ITK: variants seen among roughly 807,000 people sequenced by gnomAD.
ITK encodes IL2 inducible T cell kinase, also known as tyrosine-protein kinase ITK/TSK.
A neutral mutation model predicts 87.6 loss-of-function variants in ITK; 45 were observed. The ratio of observed to expected loss-of-function variants is 0.51; its 90% confidence interval spans 0.40 to 0.66. The LOEUF is 0.66. Ranked by LOEUF, ITK falls within the 30% of genes least tolerant of loss-of-function variation. The pLI is 0.00. For missense variants in ITK, 605 were observed against 766.3 expected, an observed-to-expected ratio of 0.79 and a Z score of 2.48; for synonymous variants, 303 against 273.6, an observed-to-expected ratio of 1.11 and a Z score of -1.06.
chr5:157,194,470 A>G (rs192940108), intron 1 of ITK, among the ~76,000 whole-genome samples: 1 of 152,348 alleles, frequency 6.6e-6, no homozygotes, highest in African/African-American at 2.4e-5. Flanking sequence ...ATTCTGGGAA[A>G]GCTATATCCA....
intron 5 of ITK, among the ~76,000 whole-genome samples, chr5:157,218,723 T>C (rs185226963): frequency 7.2e-5 from 11 of 152,304 alleles, no homozygotes; most frequent in Admixed American, 5.2e-4. Context: ...TTGAGGCTTT[T>C]CCAAGGCCAT....
chr5:157,252,775 C>T lies in ITK; in HGVS notation c.*97C>T, dbSNP rs1755168990. 3 of 968,168 alleles carry T rather than the reference C, an allele frequency of 3.1e-6. No homozygotes were observed. The highest frequency in any genetic ancestry group is 3.3e-6 in the Non-Finnish European group (2 of 598,632). 60.0% of individuals were successfully genotyped at this position (968,168 alleles called of 1,614,324 possible). A position where few individuals can be genotyped will look rare whatever the true frequency, so the allele number is the denominator to read the frequency against. ...ATTAGAAGCTGCCACCAGCCCAGGA[C>T]CCTCCAGAGGCAGCCTGGCCTGTGG... On this transcript the variant is annotated 3_prime_UTR_variant, in exon 17 of 17. Coordinates refer to ENST00000422843, the MANE Select transcript of ITK (RefSeq NM_005546.4).
chr5:157,189,525 CA>C (rs1283783740), intron 1 of ITK, among the ~76,000 whole-genome samples: 14 of 152,058 alleles, frequency 9.2e-5, no homozygotes, highest in Non-Finnish European at 1.3e-4. Context: ...ACTAAAAATA[CA>C]AAAAATTAGT....
In ITK at chr5:157,182,923, A is replaced by G. The variant is rs192806755; in HGVS notation, c.138+1808A>G. Among the ~76,000 whole-genome samples, 7 of 152,308 alleles carry G rather than the reference A, an allele frequency of 4.6e-5. No homozygotes were observed. In the East Asian group the frequency reaches 1.3e-3, roughly 29 times the overall value. ...ATATTATTGGTCATAATTTGCATGT[A>G]GACAAGGTTGTAAAATCACCCTACT... On this transcript the variant is annotated intron_variant, in intron 1 of 16. Transcript: ENST00000422843.
chr5:157,204,225 C>T (rs1488580744), intron 1 of ITK, among the ~76,000 whole-genome samples: 2 of 152,228 alleles, frequency 1.3e-5, no homozygotes, highest in Non-Finnish European at 2.9e-5. Context: ...AGGCTGCTCT[C>T]GAATTCTTGG....
At chr5:157,244,120 G>A (rs760591337) in intron 12 of ITK, 142 bp from the exon 13 acceptor site, 39 of 792,740 alleles carry the variant, frequency 4.9e-5, no homozygotes, top group Non-Finnish European at 8.2e-5. Context: ...ACATGTTTTT[G>A]TTTTGGGGAG....
In ITK at chr5:157,229,245, G is replaced by A. The variant is rs547797951; in HGVS notation, c.713+884G>A. Among the ~76,000 whole-genome samples the A allele has an allele frequency of 1.9e-4, 29 of 152,260 alleles. No homozygotes were observed. In the South Asian group the frequency reaches 5.8e-3, roughly 30 times the overall value. ...GAATCCTCAATGAATGTCACCACTA[G>A]CAAGTTAAAGTTTGATGAGCTGTGG... On this transcript the variant is annotated intron_variant, in intron 7 of 16. Coordinates refer to ENST00000422843, the MANE Select transcript of ITK (RefSeq NM_005546.4).
At chr5:157,221,965 A>G (rs1754427065) in intron 5 of ITK, among the ~76,000 whole-genome samples, 2 of 152,098 alleles carry the variant, frequency 1.3e-5, no homozygotes, top group South Asian at 2.1e-4. Flanking sequence ...AGTCTGGGCA[A>G]CATAGTGAGA....
At chr5:157,239,750 A>C (rs1754850522) in intron 9 of ITK, among the ~76,000 whole-genome samples, 1 of 152,182 alleles carries the variant, frequency 6.6e-6, no homozygotes, top group Non-Finnish European at 1.5e-5. Context: ...CAATCAGTTA[A>C]ATTCATAGAA....
intron 1 of ITK, among the ~76,000 whole-genome samples, chr5:157,182,712 C>T (rs533988927): frequency 1.5e-4 from 23 of 152,144 alleles, no homozygotes; most frequent in African/African-American, 5.3e-4. Flanking sequence ...AGTCATGTAC[C>T]TTTAAATATT....
At chr5:157,211,623 T>C in intron 3 of ITK, 1 of 508,938 alleles carries the variant, frequency 2.0e-6, no homozygotes, top group Non-Finnish European at 3.6e-6. Context: ...TTTCAAATAG[T>C]TTAATAAGTA....
At chr5:157,213,658 A>G (rs1279855622) in intron 3 of ITK, 1 of 427,006 alleles carries the variant, frequency 2.3e-6, no homozygotes, top group Admixed American at 2.8e-5. Context: ...CTGGGATTAC[A>G]AGCATGAGCC....
At chr5:157,204,840 A>T (rs1754048010) in intron 1 of ITK, among the ~76,000 whole-genome samples, 1 of 152,252 alleles carries the variant, frequency 6.6e-6, no homozygotes, top group African/African-American at 2.4e-5. Context: ...GTTTTTACTT[A>T]AAAAACTAAA....
At chr5:157,238,219 T>A in intron 9 of ITK, 28 bp downstream of exon 9, 1 of 1,542,500 alleles carries the variant, frequency 6.5e-7, no homozygotes, top group Non-Finnish European at 9.0e-7. Context: ...CTCAGCAAAG[T>A]GGAGAGAAAC....
chr5:157,214,379 T>C, intron 4 of ITK, 60 bp downstream of exon 4: 1 of 1,454,350 alleles, frequency 6.9e-7, no homozygotes, highest in South Asian at 1.1e-5. Context: ...GTAAAAGCTT[T>C]TGGCCTTTAA....
Position 157,248,898 on chromosome 5 carries a change from A to C in ITK, c.1682A>C (p.Asn561Thr). The C allele has an allele frequency of 1.2e-6, 2 of 1,613,860 alleles. No individual in the cohort carries two copies. The highest frequency in any genetic ancestry group is 1.7e-6 in the Non-Finnish European group (2 of 1,179,848). Residue 561 changes from asparagine to threonine, a missense_variant, in exon 16 of 17, where the codon AAC becomes ACC. Transcript: ENST00000422843. ...VFSEGKIPYE[N>T]RSNSEVVEDI... Reference sequence around the variant, plus strand: ...AGTGAAGGCAAAATCCCGTATGAAAACCGAAGCAACTCAGAGGTGGTGGAA... The same window carrying C: ...AGTGAAGGCAAAATCCCGTATGAAACCCGAAGCAACTCAGAGGTGGTGGAA...
At chr5:157,187,665 G>T (rs901245154) in intron 1 of ITK, among the ~76,000 whole-genome samples, 1 of 152,176 alleles carries the variant, frequency 6.6e-6, no homozygotes, top group Non-Finnish European at 1.5e-5. Context: ...AAAGGCACAT[G>T]TAGGAACTAG....
At chr5:157,193,822 G>A (rs1341510877) in intron 1 of ITK, among the ~76,000 whole-genome samples, 2 of 152,160 alleles carry the variant, frequency 1.3e-5, no homozygotes, top group Non-Finnish European at 2.9e-5. Context: ...GCTTGCTCCA[G>A]ATTGCCCAGC....
chr5:157,245,786 A>T lies in ITK; in HGVS notation c.1510A>T (p.Thr504Ser), dbSNP rs151046132. The part of the protein sequence containing the change: ...QVIKVSDFGM[T>S]RFVLDDQYTS... ...CATCAAGGTGTCTGACTTTGGGATG[A>T]CAAGGTAAAAGAGGGATGTGGTGCC... Residue 504 changes from threonine (T) to serine (S), a missense_variant, in exon 14 of 17, where the codon ACA becomes TCA. By Grantham distance (58) the Thr-to-Ser change is moderately conservative (BLOSUM62 1). Transcript: ENST00000422843. 1.2e-3 allele frequency: 1,885 copies of T among 1,614,128 alleles called. 2 individuals carry two copies. Among genetic ancestry groups the T allele is most frequent in the Admixed American group, 1.5e-3 (88 of 60,024 alleles).
Sources: allele counts gnomAD v4.1 joint callset (sites outside exome capture counted in the v4.1 genomes callset), GRCh38; gene constraint gnomAD v4.1.1; transcripts MANE v1.5; gene names NCBI Gene and HGNC (gene_info 2026-07-23, HGNC 2026-07-21).